The following SP4 variants were observed in gnomAD, a reference collection of about 807,000 sequenced individuals.
The protein encoded by SP4 is Sp4 transcription factor.
In SP4, 19 loss-of-function variants were observed where a neutral mutation model predicts 72.8. The observed-to-expected ratio is 0.26, with a 90% CI of 0.18 to 0.38. SP4 has a LOEUF of 0.38. SP4 is among the 10% of genes least tolerant of loss of function. The pLI, the probability that SP4 is intolerant of heterozygous loss-of-function variation, is 1.00. For missense variants in SP4, 1,008 were observed against 926.3 expected (o/e 1.09, Z -1.14); for synonymous variants, 395 against 333.1 (o/e 1.19, Z -2.02).
chr7:21,505,825 A>G (rs1215702611), intron 5 of SP4, among the ~76,000 whole-genome samples: 1 of 152,158 alleles, frequency 6.6e-6, no homozygotes, highest in Non-Finnish European at 1.5e-5. Context: ...TCGTTAATCA[A>G]TCCCTCTATT....
In SP4 at chr7:21,477,167, G is replaced by A. The variant is rs774052513; in HGVS notation, c.1767G>A (p.Thr589=). The A allele has an allele frequency of 1.2e-5, 19 of 1,614,030 alleles. No individual in the cohort carries two copies. Among genetic ancestry groups the A allele is most frequent in the Non-Finnish European group, 1.4e-5 (16 of 1,179,990 alleles). Residue 589 remains threonine, a synonymous_variant, in exon 4 of 6, where the codon ACG becomes ACA. Coordinates refer to ENST00000222584, the MANE Select transcript of SP4 (RefSeq NM_003112.5). ...TVAVGGIANA[T]IGAVSPDQLT... is the part of the protein sequence containing the mutation. ...CAGTTGGAGGAATTGCTAATGCCAC[G>A]ATAGGTGCTGTTAGTCCTGACCAAC... is the stretch of plus-strand genomic sequence containing the variant.
intron 5 of SP4, among the ~76,000 whole-genome samples, chr7:21,486,270 G>A (rs1438407155): frequency 6.6e-6 from 1 of 151,702 alleles, no homozygotes; most frequent in Non-Finnish European, 1.5e-5. Context: ...TGCAAAGCTA[G>A]CATAGAGTTC....
At position 21,430,467 on chromosome 7, in the gene SP4, G is replaced by T. The variant is rs776523078; in HGVS notation, c.1302G>T (p.Gln434His). The T allele has an allele frequency of 1.2e-6, 2 of 1,614,204 alleles. No homozygotes were observed. Among genetic ancestry groups the T allele is most frequent in the South Asian group, 1.1e-5 (1 of 91,078 alleles). Residue 434 changes from glutamine (Q) to histidine (H), a missense_variant, in exon 3 of 6, where the codon CAG (glutamine) becomes CAT (histidine). Physicochemically the swap from Gln to His is conservative, Grantham distance 24 (BLOSUM62 0). Around this residue, in one of 3 missense-constraint regions of SP4, gnomAD observed 893 missense variants for 743.3 expected, o/e 1.20. Transcript: ENST00000222584. ...AACTCCAGTCAGGGCAGACGATTCA[G>T]ACCATCCAGCAGCAGCCTTTACAGA... ...SFQLQSGQTI[Q>H]TIQQQPLQNV...
rs1782181036 is a variant in SP4, at chr7:21,512,727, T to C, written c.*1458T>C. On this transcript the variant is annotated 3_prime_UTR_variant, in exon 6 of 6. Transcript: ENST00000222584. Reference sequence around the variant, plus strand: ...ACAGGCGCCTGCCACCATGCCTGGCTAATTTTTGTATTTTTAGTAGAGACA... The same window carrying C: ...ACAGGCGCCTGCCACCATGCCTGGCCAATTTTTGTATTTTTAGTAGAGACA... 1 of 152,426 alleles carries C rather than the reference T, an allele frequency of 6.6e-6. No individual in the cohort carries two copies. The highest frequency in any genetic ancestry group is 1.5e-5 in the Non-Finnish European group (1 of 68,120). The allele number at this position is 152,426 out of a possible 1,614,324, so 9.4% of individuals were successfully genotyped here.
chr7:21,456,909 A>T (rs1783783401), intron 3 of SP4, among the ~76,000 whole-genome samples: 1 of 152,142 alleles, frequency 6.6e-6, no homozygotes, highest in Non-Finnish European at 1.5e-5. Context: ...AGATCAGCCC[A>T]GTGGAGGGGG....
intron 3 of SP4, among the ~76,000 whole-genome samples, chr7:21,433,250 A>G (rs76440912): frequency 1.4e-3 from 209 of 152,332 alleles, no homozygotes; most frequent in African/African-American, 4.8e-3. Flanking sequence ...AAGGATTTAC[A>G]TGATTTGGGT....
At chr7:21,481,773 A>T (rs1428558204) in intron 4 of SP4, 151 bp from the exon 5 acceptor site, 1 of 631,758 alleles carries the variant, frequency 1.6e-6, no homozygotes, top group African/African-American at 1.8e-5. Flanking sequence ...TCTTTAACTG[A>T]AAATTTTCTG....
At chr7:21,470,221 A>T (rs1784293029) in intron 3 of SP4, among the ~76,000 whole-genome samples, 1 of 152,262 alleles carries the variant, frequency 6.6e-6, no homozygotes, top group South Asian at 2.1e-4. Flanking sequence ...TTTAAGAAAC[A>T]TTCATTAAGT....
intron 3 of SP4, among the ~76,000 whole-genome samples, chr7:21,438,620 G>A (rs79533860): frequency 5.1e-4 from 78 of 152,016 alleles, no homozygotes; most frequent in Non-Finnish European, 9.7e-4. Context: ...ATGTTATCTC[G>A]GTATAGTAGT....
At chr7:21,474,534 C>A (rs7780553) in intron 3 of SP4, among the ~76,000 whole-genome samples, 1 of 152,102 alleles carries the variant, frequency 6.6e-6, no homozygotes, top group Admixed American at 6.5e-5. Context: ...CATCCTTAAG[C>A]CATCTAGTTT....
chr7:21,469,970 T>G (rs1212608271), intron 3 of SP4, among the ~76,000 whole-genome samples: 2 of 152,182 alleles, frequency 1.3e-5, no homozygotes, highest in African/African-American at 4.8e-5. Context: ...GTACATAGTT[T>G]CAGAACCAAG....
chr7:21,435,739 C>T (rs1368286051), intron 3 of SP4, among the ~76,000 whole-genome samples: 1 of 151,932 alleles, frequency 6.6e-6, no homozygotes, highest in East Asian at 1.9e-4. Context: ...GTATTCAATA[C>T]GAATGACTTA....
At chr7:21,460,264 G>A (rs1318529774) in intron 3 of SP4, among the ~76,000 whole-genome samples, 7 of 152,208 alleles carry the variant, frequency 4.6e-5, no homozygotes, top group African/African-American at 1.7e-4. Flanking sequence ...TCCTTCTGAT[G>A]TGGGGATGTG....
intron 3 of SP4, among the ~76,000 whole-genome samples, chr7:21,446,017 TG>T (rs1783415615): frequency 7.0e-6 from 1 of 143,112 alleles, no homozygotes; most frequent in African/African-American, 2.8e-5. Flanking sequence ...TGTGTGTGTG[TG>T]TGTGTGTGTG....
chr7:21,435,766 G>C (rs1783031752), intron 3 of SP4, among the ~76,000 whole-genome samples: 1 of 151,772 alleles, frequency 6.6e-6, no homozygotes, highest in South Asian at 2.1e-4. Flanking sequence ...GAACTACCAA[G>C]CTGGCTTTAC....
At position 21,513,966 on chromosome 7, in the gene SP4, T is replaced by C. The variant is rs761323353; in HGVS notation, c.*2697T>C. The stretch of plus-strand genomic sequence containing the variant: ...TTGACTCAGTGGGATATAGCTGTTA[T>C]AAGTAATAGGGCACAGATGTGCAGT... On this transcript the variant is annotated 3_prime_UTR_variant, in exon 6 of 6. Coordinates refer to ENST00000222584, the MANE Select transcript of SP4 (RefSeq NM_003112.5). 6.6e-5 allele frequency: 10 copies of C among 152,628 alleles called. No homozygotes were observed. Among genetic ancestry groups the C allele is most frequent in the Non-Finnish European group, 8.8e-5 (6 of 68,012 alleles). 9.5% of individuals were successfully genotyped at this position (152,628 alleles called of 1,614,324 possible).
intron 3 of SP4, among the ~76,000 whole-genome samples, chr7:21,467,927 C>T (rs1347404207): frequency 1.3e-5 from 2 of 152,170 alleles, no homozygotes; most frequent in South Asian, 2.1e-4. Context: ...TTTGAACCTG[C>T]TGTATGATTA....
intron 5 of SP4, among the ~76,000 whole-genome samples, chr7:21,485,864 C>G (rs1271353100): frequency 6.6e-6 from 1 of 151,906 alleles, no homozygotes; most frequent in Non-Finnish European, 1.5e-5. Context: ...TTCTGTAGAC[C>G]TGTTCCAGGG....
chr7:21,481,488 T>C (rs1784685694), intron 4 of SP4, among the ~76,000 whole-genome samples: 1 of 152,200 alleles, frequency 6.6e-6, no homozygotes, highest in African/African-American at 2.4e-5. Context: ...AATGGTATTT[T>C]TTGCTTTTTT....
Sources: gnomAD v4.1 joint callset for allele counts (sites outside exome capture counted in the v4.1 genomes callset) on GRCh38, gnomAD v4.1.1 for gene constraint, gnomAD v4.1.1 regional missense constraint, MANE v1.5 for transcripts, NCBI Gene and HGNC (gene_info 2026-07-23, HGNC 2026-07-21) for gene names.